Variants in AK9 observed in about 807,000 individuals in gnomAD.
AK9 encodes the protein adenylate kinase 9.
AK9 carries 191 observed loss-of-function variants against 239.6 expected under a neutral mutation model. The observed-to-expected ratio is 0.80, with a 90% confidence interval of 0.71 to 0.90. The LOEUF is 0.90. AK9 is among the 40% of genes least tolerant of loss of function. The pLI is 0.00. For missense variants in AK9, 1,995 were observed against 2,214.7 expected, an observed-to-expected ratio of 0.90 and a Z score of 1.99; for synonymous variants, 689 against 721.0, an observed-to-expected ratio of 0.96 and a Z score of 0.71.
chr6:109,546,098 G>A lies in AK9; in HGVS notation c.2994C>T (p.Gly998=). ...KAPPLRICLV[G]PQGSGKTMCG... ...ACATAGTTTTGCCAGAGCCCTGGGGGCCGACAAGGCATATTCTTAATGGAG... is the reference window on the plus strand; with the variant it reads ...ACATAGTTTTGCCAGAGCCCTGGGGACCGACAAGGCATATTCTTAATGGAG... Residue 998 remains glycine, a synonymous_variant, in exon 26 of 41, where the codon GGC becomes GGT. Coordinates refer to ENST00000424296, the MANE Select transcript of AK9 (RefSeq NM_001145128.3). The A allele has an allele frequency of 2.0e-6, 3 of 1,521,050 alleles. No homozygotes were observed. The highest frequency in any genetic ancestry group is 2.7e-6 in the Non-Finnish European group (3 of 1,124,386). 94.2% of individuals were successfully genotyped at this position (1,521,050 alleles called of 1,614,324 possible). A position where few individuals can be genotyped will look rare whatever the true frequency, so the allele number is the denominator to read the frequency against.
At chr6:109,663,736 G>C (rs1303071632) in intron 5 of AK9, among the ~76,000 whole-genome samples, 1 of 152,210 alleles carries the variant, frequency 6.6e-6, no homozygotes, top group East Asian at 1.9e-4. Flanking sequence ...CTTATTCCAA[G>C]TGCAAGACAG....
intron 24 of AK9, among the ~76,000 whole-genome samples, chr6:109,561,219 T>C (rs888476572): frequency 6.6e-6 from 1 of 152,210 alleles, no homozygotes; most frequent in Non-Finnish European, 1.5e-5. Context: ...CCCAAAGTGC[T>C]GGGATTACAG....
intron 24 of AK9, among the ~76,000 whole-genome samples, chr6:109,563,382 T>A (rs1236226831): frequency 6.6e-6 from 1 of 152,202 alleles, no homozygotes; most frequent in African/African-American, 2.4e-5. Flanking sequence ...TTTTTTTCCA[T>A]GCAAAATAGT....
At chr6:109,646,691 C>T (rs1317454306) in intron 8 of AK9, among the ~76,000 whole-genome samples, 1 of 152,092 alleles carries the variant, frequency 6.6e-6, no homozygotes, top group South Asian at 2.1e-4. Context: ...GAAAACTTCC[C>T]CAACCTAGCA....
intron 29 of AK9, among the ~76,000 whole-genome samples, chr6:109,520,845 G>A (rs1337056265): frequency 6.6e-6 from 1 of 152,004 alleles, no homozygotes; most frequent in Non-Finnish European, 1.5e-5. Flanking sequence ...TGTACTCTTA[G>A]GTATTTTATT....
intron 17 of AK9, among the ~76,000 whole-genome samples, chr6:109,594,825 G>T (rs528915948): frequency 6.6e-6 from 1 of 152,026 alleles, no homozygotes; most frequent in African/African-American, 2.4e-5. Flanking sequence ...AACTGAAACT[G>T]GACCCCTTCC....
intron 12 of AK9, among the ~76,000 whole-genome samples, chr6:109,625,815 G>A (rs909154751): frequency 6.6e-6 from 1 of 152,090 alleles, no homozygotes; most frequent in African/African-American, 2.4e-5. Flanking sequence ...TATTTATCCT[G>A]TTTGGGGCTT....
intron 13 of AK9, among the ~76,000 whole-genome samples, 193 bp from the exon 14 acceptor site, chr6:109,614,673 T>C (rs1004023571): frequency 2.0e-5 from 3 of 152,196 alleles, no homozygotes; most frequent in Non-Finnish European, 4.4e-5. Context: ...TGAGGATCTT[T>C]AAACTGAAAG....
Position 109,565,762 on chromosome 6 carries a change from C to T in AK9, c.2345-917G>A, listed in dbSNP as rs899057790. Among the ~76,000 whole-genome samples the T allele has an allele frequency of 2.0e-5, 3 of 152,020 alleles. No individual in the cohort carries two copies. In the South Asian group the frequency reaches 6.2e-4, roughly 32 times the overall value. ...TTCTGAAACACAAGTTTTGCATAGACAAAAGTACATATATCTATATGCATA... is the reference window on the plus strand; with the variant it reads ...TTCTGAAACACAAGTTTTGCATAGATAAAAGTACATATATCTATATGCATA... On this transcript the variant is annotated intron_variant, in intron 21 of 40. Coordinates refer to ENST00000424296, the MANE Select transcript of AK9 (RefSeq NM_001145128.3).
At chr6:109,681,715 A>C (rs1348673992) in intron 1 of AK9, among the ~76,000 whole-genome samples, 2 of 152,210 alleles carry the variant, frequency 1.3e-5, no homozygotes, top group Non-Finnish European at 2.9e-5. Context: ...TCCTCAGTAA[A>C]TGCAAAAGAA....
chr6:109,529,727 A>G (rs1562359174), intron 28 of AK9, among the ~76,000 whole-genome samples: 1 of 152,176 alleles, frequency 6.6e-6, no homozygotes, highest in Non-Finnish European at 1.5e-5. Context: ...GATTCTCATG[A>G]GTGTGCAACC....
At chr6:109,640,094 T>C (rs1207871430) in intron 10 of AK9, among the ~76,000 whole-genome samples, 1 of 152,210 alleles carries the variant, frequency 6.6e-6, no homozygotes, top group East Asian at 1.9e-4. Flanking sequence ...CGCCTCCACC[T>C]TTGTTCTTTT....
At chr6:109,546,197 T>G in intron 25 of AK9, 70 bp from the exon 26 acceptor site, 1 of 1,401,998 alleles carries the variant, frequency 7.1e-7, no homozygotes, top group Non-Finnish European at 9.6e-7. Flanking sequence ...TTTGAGTAAT[T>G]TAGAACACAT....
intron 20 of AK9, among the ~76,000 whole-genome samples, chr6:109,574,019 T>C (rs1787757628): frequency 6.6e-6 from 1 of 152,164 alleles, no homozygotes; most frequent in African/African-American, 2.4e-5. Context: ...ATACAGTGAA[T>C]TTTAAAGATT....
intron 1 of AK9, among the ~76,000 whole-genome samples, chr6:109,682,421 C>T (rs569868903): frequency 2.3e-3 from 120 of 52,364 alleles, no homozygotes; most frequent in Admixed American, 0.011. Flanking sequence ...AGCAAGACTC[C>T]GTCTCAAAAA....
intron 32 of AK9, among the ~76,000 whole-genome samples, chr6:109,512,327 G>A (rs1209739420): frequency 6.6e-6 from 1 of 152,136 alleles, no homozygotes; most frequent in Non-Finnish European, 1.5e-5. Context: ...TCCACCCCTT[G>A]TTTAGCATAT....
chr6:109,687,367 CCTTT>C (rs1452842520), intron 1 of AK9, among the ~76,000 whole-genome samples: 2 of 152,152 alleles, frequency 1.3e-5, no homozygotes, highest in Non-Finnish European at 2.9e-5. Flanking sequence ...TAATCCTCTT[CCTTT>C]GAGTGGGAGT....
At chr6:109,641,710 C>T (rs1797476362) in intron 9 of AK9, 94 bp from the exon 10 acceptor site, 6 of 1,018,264 alleles carry the variant, frequency 5.9e-6, no homozygotes, top group Middle Eastern at 5.8e-4. Flanking sequence ...GACCATGCTC[C>T]CCCTGACTCT....
At chr6:109,647,745 G>C (rs1020372706) in intron 8 of AK9, among the ~76,000 whole-genome samples, 5 of 152,128 alleles carry the variant, frequency 3.3e-5, no homozygotes, top group African/African-American at 7.2e-5. Context: ...AGATCTAATA[G>C]ACATCTACAG....
Sources: gnomAD v4.1 joint callset for allele counts (sites outside exome capture counted in the v4.1 genomes callset) on GRCh38, gnomAD v4.1.1 for gene constraint, MANE v1.5 for transcripts, NCBI Gene and HGNC (gene_info 2026-07-23, HGNC 2026-07-21) for gene names.